Variants in DPH7 observed in about 807,000 individuals in gnomAD.
DPH7 encodes the protein diphthamide biosynthesis 7, also known as diphthine methyltransferase.
Under a neutral mutation model 41.7 loss-of-function variants are expected in DPH7, and 44 were observed. The observed-to-expected ratio is 1.05, with a 90% CI of 0.83 to 1.36. DPH7 has a LOEUF of 1.36. Ranked by LOEUF, DPH7 falls within the 40% of genes most tolerant of loss-of-function variation. DPH7 has a pLI of 0.00. For missense variants in DPH7, 629 were observed against 577.5 expected, an observed-to-expected ratio of 1.09 and a Z score of -0.91; for synonymous variants, 275 against 238.0, an observed-to-expected ratio of 1.16 and a Z score of -1.43.
At chr9:137,560,373 C>G (rs1324617304) in intron 8 of DPH7, among the ~76,000 whole-genome samples, 2 of 152,008 alleles carry the variant, frequency 1.3e-5, no homozygotes, top group Non-Finnish European at 2.9e-5. Context: ...GGGGCAAGGA[C>G]AGAAAAATAA....
At position 137,556,663 on chromosome 9, in the gene DPH7, A is replaced by C; in HGVS notation, c.950-1015T>G. On this transcript the variant is annotated intron_variant, in intron 8 of 8. Coordinates refer to ENST00000277540, the MANE Select transcript of DPH7 (RefSeq NM_138778.5). The surrounding 1 kb of genome is among the most constrained non-coding windows in gnomAD (Gnocchi z 5.2). ...GAGACAGCCACAGGGGCCCTCGAGC[A>C]GCATGTGTGGGGCGACCCTCGGGAG... is the stretch of plus-strand genomic sequence containing the variant. 2 of 356,436 alleles carry C rather than the reference A, an allele frequency of 5.6e-6. No homozygotes were observed. Among genetic ancestry groups the C allele is most frequent in the South Asian group, 4.1e-5 (2 of 48,650 alleles). The allele number at this position is 356,436 out of a possible 1,614,324, so 22.1% of individuals were successfully genotyped here. A position where few individuals can be genotyped will look rare whatever the true frequency, so the allele number is the denominator to read the frequency against.
chr9:137,572,825 A>G (rs1033989897), intron 5 of DPH7, among the ~76,000 whole-genome samples: 2 of 152,242 alleles, frequency 1.3e-5, no homozygotes, highest in African/African-American at 4.8e-5. Context: ...TTTCTGGAAG[A>G]TAAACTATAT....
intron 3 of DPH7, chr9:137,575,152 A>G: frequency 9.2e-7 from 1 of 1,088,374 alleles, no homozygotes; most frequent in Non-Finnish European, 1.1e-6. Context: ...TGCTGTCGAG[A>G]TGCCTGTGCA....
intron 1 of DPH7, 86 bp from the exon 2 acceptor site, chr9:137,577,689 G>A (rs1841663822): frequency 1.3e-6 from 2 of 1,527,774 alleles, no homozygotes; most frequent in South Asian, 2.4e-5. Flanking sequence ...GGAACTCAAA[G>A]GTTTGCCATG....
intron 2 of DPH7, 116 bp from the exon 3 acceptor site, chr9:137,576,283 C>G (rs1460644314): frequency 7.1e-6 from 6 of 845,050 alleles, no homozygotes; most frequent in African/African-American, 3.3e-5. Flanking sequence ...TCCACGCAAA[C>G]CCAGCTGGGA....
chr9:137,568,629 T>A (rs1434896179), intron 5 of DPH7, among the ~76,000 whole-genome samples: 1 of 152,102 alleles, frequency 6.6e-6, no homozygotes. Context: ...GGAGGAGTCT[T>A]AGGTTGCCAC....
intron 5 of DPH7, among the ~76,000 whole-genome samples, chr9:137,571,318 T>C (rs1840395631): frequency 1.3e-5 from 2 of 151,670 alleles, no homozygotes; most frequent in Non-Finnish European, 2.9e-5. Context: ...TCCCGAGTAG[T>C]TGGGACTACA....
chr9:137,559,136 T>G, intron 8 of DPH7, among the ~76,000 whole-genome samples: 1 of 152,338 alleles, frequency 6.6e-6, no homozygotes, highest in East Asian at 1.9e-4. Context: ...TAGTAATTAC[T>G]CTTTATCCCA....
intron 5 of DPH7, among the ~76,000 whole-genome samples, chr9:137,573,682 CAAAAAAAAAAAA>C (rs61028786): frequency 3.9e-4 from 10 of 25,944 alleles, no homozygotes; most frequent in Middle Eastern, 0.028. Flanking sequence ...GACTCTGTCT[CAAAAAAAAAAAA>C]AAAAAAAAAA....
intron 5 of DPH7, among the ~76,000 whole-genome samples, chr9:137,571,732 G>A (rs908461339): frequency 6.6e-6 from 1 of 152,086 alleles, no homozygotes; most frequent in African/African-American, 2.4e-5. Flanking sequence ...AGGTTGCAAT[G>A]AGCCAAGATT....
chr9:137,578,909 C>A lies in DPH7; in HGVS notation c.-132G>T. 1 of 1,007,770 alleles carries A rather than the reference C, an allele frequency of 9.9e-7. No individual in the cohort carries two copies. The highest frequency in any genetic ancestry group is 1.7e-5 in the African/African-American group (1 of 59,570). 62.4% of individuals were successfully genotyped at this position (1,007,770 alleles called of 1,614,324 possible). A position where few individuals can be genotyped will look rare whatever the true frequency, so the allele number is the denominator to read the frequency against. ...GCCCCAGGGACACCGTCAGCGCGGGCCGCCTCTCTCGCGACTCCTTCCGGG... is the reference window on the plus strand; with the variant it reads ...GCCCCAGGGACACCGTCAGCGCGGGACGCCTCTCTCGCGACTCCTTCCGGG... On this transcript the variant is annotated 5_prime_UTR_variant, in exon 1 of 9. Transcript: ENST00000277540.
intron 5 of DPH7, among the ~76,000 whole-genome samples, chr9:137,573,087 C>T (rs993449808): frequency 1.3e-5 from 2 of 152,278 alleles, no homozygotes; most frequent in Middle Eastern, 3.4e-3. Flanking sequence ...GTGGGCGGGG[C>T]AAGGTGGCTC....
At position 137,555,657 on chromosome 9, in the gene DPH7, A is replaced by G; in HGVS notation, c.950-9T>C. On this transcript the variant is annotated splice_polypyrimidine_tract_variant and intron_variant, in intron 8 of 8. Transcript: ENST00000277540. Reference sequence around the variant, plus strand: ...CGCCTCCTGCCTCTCCTCTGGAGTGAGAGATGGGAGAACCCAGGAAACACA... The same window carrying G: ...CGCCTCCTGCCTCTCCTCTGGAGTGGGAGATGGGAGAACCCAGGAAACACA... 1 of 1,572,684 alleles carries G rather than the reference A, an allele frequency of 6.4e-7. No individual in the cohort carries two copies. The highest frequency in any genetic ancestry group is 8.6e-7 in the Non-Finnish European group (1 of 1,156,486).
At chr9:137,569,719 GATCCATCCATCC>G (rs772760705) in intron 5 of DPH7, among the ~76,000 whole-genome samples, 21 of 95,346 alleles carry the variant, frequency 2.2e-4, no homozygotes, top group Non-Finnish European at 2.7e-4. Flanking sequence ...ATCCACCCAT[GATCCATCCATCC>G]ATCCATCCAT....
At chr9:137,559,468 G>C (rs1441993174) in intron 8 of DPH7, among the ~76,000 whole-genome samples, 1 of 152,204 alleles carries the variant, frequency 6.6e-6, no homozygotes, top group East Asian at 1.9e-4. Flanking sequence ...CTCTTGTGGA[G>C]GGCCTGACAT....
rs1248413559 is a variant in DPH7 at position 137,577,607 on chromosome 9, C to CA, written c.154-5dup. The CA allele has an allele frequency of 3.7e-6, 6 of 1,610,268 alleles. No individual in the cohort carries two copies. Among genetic ancestry groups the CA allele is most frequent in the South Asian group, 2.2e-5 (2 of 90,174 alleles). ...GCTCCTTAACTTCCATTCCACCCTA[C>CA]AAAAAATGCAGAGGTAGTCTCTGAT... On this transcript the variant is annotated splice_region_variant and splice_polypyrimidine_tract_variant and intron_variant, in intron 1 of 8. Coordinates refer to ENST00000277540, the MANE Select transcript of DPH7 (RefSeq NM_138778.5).
rs768728430 is a variant in DPH7, at chr9:137,555,652, G to A, written c.950-4C>T. On this transcript the variant is annotated splice_region_variant and splice_polypyrimidine_tract_variant and intron_variant, in intron 8 of 8. Coordinates refer to ENST00000277540, the MANE Select transcript of DPH7 (RefSeq NM_138778.5). Reference sequence around the variant, plus strand: ...ACCGTCGCCTCCTGCCTCTCCTCTGGAGTGAGAGATGGGAGAACCCAGGAA... The same window carrying A: ...ACCGTCGCCTCCTGCCTCTCCTCTGAAGTGAGAGATGGGAGAACCCAGGAA... 1 of 1,582,424 alleles carries A rather than the reference G, an allele frequency of 6.3e-7. No individual in the cohort carries two copies. The highest frequency in any genetic ancestry group is 1.1e-5 in the South Asian group (1 of 87,550).
chr9:137,563,801 G>T (rs1020160283), intron 8 of DPH7, among the ~76,000 whole-genome samples: 1 of 152,118 alleles, frequency 6.6e-6, no homozygotes, highest in Non-Finnish European at 1.5e-5. Flanking sequence ...GAGGGAAGAG[G>T]AGGTCCTGGA....
At chr9:137,563,778 A>T (rs919081349) in intron 8 of DPH7, among the ~76,000 whole-genome samples, 1 of 152,094 alleles carries the variant, frequency 6.6e-6, no homozygotes, top group Non-Finnish European at 1.5e-5. Context: ...AGAGATCATG[A>T]GCTGCAAGTC....
Sources: gnomAD v4.1 joint callset for allele counts (sites outside exome capture counted in the v4.1 genomes callset) on GRCh38, gnomAD v4.1.1 for gene constraint, Gnocchi (gnomAD v3.1) non-coding constraint, MANE v1.5 for transcripts, NCBI Gene and HGNC (gene_info 2026-07-23, HGNC 2026-07-21) for gene names.